Variants in MED12L observed in about 807,000 individuals in gnomAD.
MED12L encodes mediator complex subunit 12L.
MED12L carries 60 observed loss-of-function variants against 281.3 expected under a neutral mutation model. The observed-to-expected ratio is 0.21, with a 90% confidence interval of 0.17 to 0.26. The LOEUF (loss-of-function observed/expected upper bound fraction) is 0.26, where lower values mean the gene tolerates loss of function less well. MED12L is among the 10% of genes least tolerant of loss of function. MED12L has a pLI of 1.00. For missense variants in MED12L, 2,146 were observed against 2,680.9 expected, an observed-to-expected ratio of 0.80 and a Z score of 4.41; for synonymous variants, 974 against 987.2, an observed-to-expected ratio of 0.99 and a Z score of 0.25.
intron 16 of MED12L, among the ~76,000 whole-genome samples, chr3:151,238,310 C>T (rs1050982801): frequency 6.6e-6 from 1 of 152,100 alleles, no homozygotes; most frequent in African/African-American, 2.4e-5. Context: ...CCTTGGCCGG[C>T]TAATTTTTGC....
Position 151,436,594 on chromosome 3 carries a change from T to A in MED12L, c.*3790T>A. ...CATTGTAAATTTAATACTGTAAATG[T>A]ATTCAAATTCATTTACATGCCTATG... On this transcript the variant is annotated 3_prime_UTR_variant, in exon 45 of 45. Transcript: ENST00000687756. The A allele has an allele frequency of 2.5e-6, 2 of 803,684 alleles. No homozygotes were observed. Among genetic ancestry groups the A allele is most frequent in the Non-Finnish European group, 4.0e-6 (2 of 496,258 alleles). 49.8% of individuals were successfully genotyped at this position (803,684 alleles called of 1,614,324 possible). A position where few individuals can be genotyped will look rare whatever the true frequency, so the allele number is the denominator to read the frequency against.
At chr3:151,117,556 C>A (rs1407424594) in intron 3 of MED12L, among the ~76,000 whole-genome samples, 2 of 152,132 alleles carry the variant, frequency 1.3e-5, no homozygotes, top group Admixed American at 6.5e-5. Context: ...AAAGTGAGAA[C>A]CCTGGCTCTT....
Position 151,122,901 on chromosome 3 carries a change from G to C in MED12L, c.323G>C (p.Arg108Pro), listed in dbSNP as rs746812746. 2 of 1,612,744 alleles carry C rather than the reference G, an allele frequency of 1.2e-6. No homozygotes were observed. Among genetic ancestry groups the C allele is most frequent in the Non-Finnish European group, 8.5e-7 (1 of 1,179,486 alleles). ...GATAATTATTGGCTGGTTACTGCTC[G>C]ATCCCAGAGTGCAATTCATAGTTGG... ...AKDNYWLVTA[R>P]SQSAIHSWFS... The change falls in exon 4 of 45, where the codon CGA becomes CCA. Residue 108 changes from arginine to proline, a missense_variant. This residue lies in a region of MED12L where 722 missense variants were observed against 861.2 expected (regional missense o/e 0.84). Coordinates refer to ENST00000687756, the MANE Select transcript of MED12L (RefSeq NM_001393769.1).
At chr3:151,219,193 A>G (rs1728835530) in intron 16 of MED12L, among the ~76,000 whole-genome samples, 1 of 152,208 alleles carries the variant, frequency 6.6e-6, no homozygotes, top group African/African-American at 2.4e-5. Context: ...GCAGTGTAAT[A>G]TCTTAGGATT....
At chr3:151,241,583 T>C (rs983713921) in intron 16 of MED12L, among the ~76,000 whole-genome samples, 1 of 152,188 alleles carries the variant, frequency 6.6e-6, no homozygotes, top group African/African-American at 2.4e-5. Flanking sequence ...GGAATACATA[T>C]GCACACACAC....
At chr3:151,347,389 T>A (rs1752668007) in intron 16 of MED12L, among the ~76,000 whole-genome samples, 1 of 152,002 alleles carries the variant, frequency 6.6e-6, no homozygotes, top group Non-Finnish European at 1.5e-5. Context: ...AGACATGGAG[T>A]CTTCCACAAA....
At chr3:151,354,140 C>CAAAAAAAAA (rs63033360) in intron 17 of MED12L, among the ~76,000 whole-genome samples, 17 of 62,838 alleles carry the variant, frequency 2.7e-4, no homozygotes, top group South Asian at 7.6e-4. Context: ...GACTCCGTCT[C>CAAAAAAAAA]AAAAAAAAAA....
intron 16 of MED12L, among the ~76,000 whole-genome samples, chr3:151,268,533 AT>A (rs1740268089): frequency 6.6e-6 from 1 of 152,122 alleles, no homozygotes; most frequent in African/African-American, 2.4e-5. Flanking sequence ...AGGTTTCTCC[AT>A]TTTGTCTAAT....
intron 16 of MED12L, chr3:151,294,804 C>A: frequency 6.2e-7 from 1 of 1,614,090 alleles, no homozygotes; most frequent in Non-Finnish European, 8.5e-7. Context: ...CGAGAGTCCC[C>A]AAATGGCTTG....
intron 16 of MED12L, among the ~76,000 whole-genome samples, chr3:151,217,763 T>A (rs1434208999): frequency 6.6e-6 from 1 of 152,084 alleles, no homozygotes; most frequent in Non-Finnish European, 1.5e-5. Flanking sequence ...TGGTAGTAAT[T>A]TTTGAACTCT....
At chr3:151,255,979 A>AG (rs1429615736) in intron 16 of MED12L, among the ~76,000 whole-genome samples, 1 of 152,208 alleles carries the variant, frequency 6.6e-6, no homozygotes, top group Admixed American at 6.5e-5. Context: ...CCTAGCTCTA[A>AG]GGTCAGTAAA....
At chr3:151,214,375 A>G (rs1727780522) in intron 16 of MED12L, 6 of 1,381,448 alleles carry the variant, frequency 4.3e-6, no homozygotes, top group South Asian at 3.9e-5. Flanking sequence ...CTCATAGGGC[A>G]CTTATGGCCT....
chr3:151,160,202 T>A (rs920725067), intron 8 of MED12L, 101 bp downstream of exon 8: 6 of 1,154,320 alleles, frequency 5.2e-6, no homozygotes, highest in Non-Finnish European at 7.3e-6. Flanking sequence ...TTTACAACTC[T>A]AGTTTTTTCC....
At chr3:151,300,206 G>A in intron 16 of MED12L, 2 of 819,806 alleles carry the variant, frequency 2.4e-6, no homozygotes, top group African/African-American at 1.7e-5. Context: ...TTTCTGGGGA[G>A]AAAATGAAAA....
intron 5 of MED12L, among the ~76,000 whole-genome samples, chr3:151,133,470 CAT>C (rs560299185): frequency 6.6e-6 from 1 of 152,078 alleles, no homozygotes; most frequent in Non-Finnish European, 1.5e-5. Flanking sequence ...AGTGAGGTCT[CAT>C]GTGTAACTTC....
intron 10 of MED12L, 35 bp from the exon 11 acceptor site, chr3:151,165,811 G>A: frequency 6.3e-7 from 1 of 1,594,474 alleles, no homozygotes; most frequent in South Asian, 1.1e-5. Context: ...GTTATTTTTG[G>A]CCTCATTAAC....
intron 43 of MED12L, among the ~76,000 whole-genome samples, chr3:151,429,442 C>CG (rs931627577): frequency 7.2e-5 from 11 of 151,904 alleles, no homozygotes; most frequent in Non-Finnish European, 1.6e-4. Flanking sequence ...AGTGACAGAC[C>CG]AGGAGGAGAG....
At chr3:151,262,989 A>G (rs1029767463) in intron 16 of MED12L, among the ~76,000 whole-genome samples, 2 of 152,150 alleles carry the variant, frequency 1.3e-5, no homozygotes, top group Admixed American at 6.5e-5. Context: ...GCATCTTAAC[A>G]TGTACCCTCT....
chr3:151,216,177 G>A (rs1034719955), intron 16 of MED12L, among the ~76,000 whole-genome samples: 2 of 152,078 alleles, frequency 1.3e-5, no homozygotes, highest in Non-Finnish European at 2.9e-5. Flanking sequence ...AATATTTAGG[G>A]CATTAGATAG....
Sources: allele counts gnomAD v4.1 joint callset (sites outside exome capture counted in the v4.1 genomes callset), GRCh38; gene constraint gnomAD v4.1.1; regional missense constraint gnomAD v4.1.1; transcripts MANE v1.5; gene names NCBI Gene and HGNC (gene_info 2026-07-23, HGNC 2026-07-21).